The following DLG2 variants were observed in gnomAD, a reference collection of about 807,000 sequenced individuals.
The protein encoded by DLG2 is discs large MAGUK scaffold protein 2, also known as disks large homolog 2.
A neutral mutation model predicts 132.5 loss-of-function variants in DLG2; 45 were observed. That is an observed-to-expected ratio of 0.34 (90% confidence interval 0.27 to 0.44). The LOEUF is 0.44. DLG2 is among the 20% of genes least tolerant of loss of function. The pLI, the probability that DLG2 is intolerant of heterozygous loss-of-function variation, is 1.00. For missense variants in DLG2, 1,045 were observed against 1,196.9 expected (o/e 0.87, Z 1.87); for synonymous variants, 424 against 419.6 (o/e 1.01, Z -0.13).
At chr11:84,716,599 A>G (rs1345563003) in intron 6 of DLG2, among the ~76,000 whole-genome samples, 1 of 151,954 alleles carries the variant, frequency 6.6e-6, no homozygotes, top group African/African-American at 2.4e-5. Flanking sequence ...ATAATGACAT[A>G]AAAACTACTA....
chr11:85,377,803 A>ATATATATATATATATATGTG (rs35141583), intron 3 of DLG2, among the ~76,000 whole-genome samples: 86 of 131,296 alleles, frequency 6.6e-4, no homozygotes, highest in South Asian at 2.0e-3. Context: ...ATATATATAT[A>ATATATATATATATATATGTG]TGTGTGTGTG....
intron 11 of DLG2, among the ~76,000 whole-genome samples, chr11:84,051,122 T>C (rs1274589565): frequency 2.6e-5 from 4 of 151,722 alleles, no homozygotes; most frequent in African/African-American, 4.8e-5. Flanking sequence ...AGACAGGAAA[T>C]AACGGGTGCT....
At chr11:85,322,876 A>T (rs540274365) in intron 3 of DLG2, among the ~76,000 whole-genome samples, 1 of 152,260 alleles carries the variant, frequency 6.6e-6, no homozygotes, top group East Asian at 1.9e-4. Context: ...GGTAACCAAC[A>T]TCTCACACCT....
At chr11:83,921,449 T>C (rs1255919597) in intron 15 of DLG2, among the ~76,000 whole-genome samples, 1 of 152,150 alleles carries the variant, frequency 6.6e-6, no homozygotes, top group Admixed American at 6.6e-5. Flanking sequence ...TTCCATAAAA[T>C]TGGGATGATC....
chr11:84,734,336 C>T (rs1212395813), intron 6 of DLG2, among the ~76,000 whole-genome samples: 2 of 152,104 alleles, frequency 1.3e-5, no homozygotes, highest in East Asian at 3.9e-4. Context: ...TGCAGTTCTC[C>T]TTGAAGAGTT....
chr11:84,845,900 G>A (rs1599617381), intron 6 of DLG2, among the ~76,000 whole-genome samples: 2 of 151,872 alleles, frequency 1.3e-5, no homozygotes, highest in African/African-American at 4.8e-5. Flanking sequence ...GGCTGGTCTC[G>A]AACTCCTGAT....
intron 11 of DLG2, among the ~76,000 whole-genome samples, chr11:84,026,210 T>C (rs767244312): frequency 1.3e-5 from 2 of 151,882 alleles, no homozygotes; most frequent in South Asian, 2.1e-4. Flanking sequence ...TATAATATAG[T>C]ACAAAAAGCT....
chr11:85,288,708 T>A (rs2078709451), intron 3 of DLG2, among the ~76,000 whole-genome samples: 1 of 152,038 alleles, frequency 6.6e-6, no homozygotes, highest in Non-Finnish European at 1.5e-5. Flanking sequence ...AGAATTTCTG[T>A]AAACATATCT....
rs985260306 is a variant in DLG2, at chr11:84,533,052, G to A, written c.519+1518C>T. On this transcript the variant is annotated intron_variant, in intron 7 of 27. Transcript: ENST00000376104. Reference sequence around the variant, plus strand: ...AAGACAATTTTGTTTACCCTTCTGCGGAAGAAGGAGTCTTTTCTACAAAAC... The same window carrying A: ...AAGACAATTTTGTTTACCCTTCTGCAGAAGAAGGAGTCTTTTCTACAAAAC... 2.6e-5 allele frequency among the ~76,000 whole-genome samples: 4 copies of A among 152,068 alleles called. No individual in the cohort carries two copies. The South Asian group carries it at 8.3e-4, about 31-fold the overall frequency.
intron 19 of DLG2, among the ~76,000 whole-genome samples, chr11:83,577,000 G>A (rs1231199749): frequency 1.3e-5 from 2 of 152,142 alleles, no homozygotes; most frequent in African/African-American, 2.4e-5. Context: ...GTCTTTGAAG[G>A]TGCTGCCAAA....
chr11:85,386,170 G>A (rs1290294999), intron 3 of DLG2, among the ~76,000 whole-genome samples: 4 of 152,054 alleles, frequency 2.6e-5, no homozygotes, highest in African/African-American at 9.7e-5. Context: ...AAAAAATCAG[G>A]TTCTAACACA....
At chr11:84,817,302 C>G (rs746067379) in intron 6 of DLG2, among the ~76,000 whole-genome samples, 24 of 151,928 alleles carry the variant, frequency 1.6e-4, no homozygotes, top group African/African-American at 3.1e-4. Context: ...TCATGCAAAG[C>G]AAAAGGGCCC....
chr11:85,086,584 T>C (rs1339296904), intron 6 of DLG2, among the ~76,000 whole-genome samples: 1 of 152,146 alleles, frequency 6.6e-6, no homozygotes, highest in African/African-American at 2.4e-5. Context: ...GCTCCCAAAA[T>C]TCAACTCTGT....
At chr11:85,251,789 A>T (rs879130140) in intron 4 of DLG2, among the ~76,000 whole-genome samples, 1 of 152,176 alleles carries the variant, frequency 6.6e-6, no homozygotes, top group Admixed American at 6.5e-5. Flanking sequence ...TTACAATATC[A>T]TACAATATTT....
intron 6 of DLG2, among the ~76,000 whole-genome samples, chr11:84,944,351 G>C (rs2049904650): frequency 6.6e-6 from 1 of 151,970 alleles, no homozygotes; most frequent in Non-Finnish European, 1.5e-5. Context: ...TCCTCTTTAA[G>C]ACCAATAACT....
At chr11:83,982,039 G>T (rs2092825344) in intron 11 of DLG2, among the ~76,000 whole-genome samples, 1 of 152,144 alleles carries the variant, frequency 6.6e-6, no homozygotes, top group African/African-American at 2.4e-5. Context: ...ATAGCATAAT[G>T]ATTACTAAGG....
intron 7 of DLG2, among the ~76,000 whole-genome samples, chr11:84,451,383 T>C (rs2099051173): frequency 6.6e-6 from 1 of 151,932 alleles, no homozygotes; most frequent in Non-Finnish European, 1.5e-5. Context: ...TTTCTTGTTT[T>C]TGAAATGGAG....
intron 6 of DLG2, among the ~76,000 whole-genome samples, chr11:84,824,047 TG>T (rs1191221340): frequency 6.6e-6 from 1 of 151,812 alleles, no homozygotes; most frequent in Non-Finnish European, 1.5e-5. Flanking sequence ...AAACTGGCAT[TG>T]GGGGTTTCAA....
intron 7 of DLG2, among the ~76,000 whole-genome samples, chr11:84,315,868 T>C (rs2098348778): frequency 6.6e-6 from 1 of 152,148 alleles, no homozygotes; most frequent in Non-Finnish European, 1.5e-5. Flanking sequence ...ACCATAACAT[T>C]TTATTTATGA....
Sources: gnomAD v4.1 joint callset for allele counts (sites outside exome capture counted in the v4.1 genomes callset) on GRCh38, gnomAD v4.1.1 for gene constraint, MANE v1.5 for transcripts, NCBI Gene and HGNC (gene_info 2026-07-23, HGNC 2026-07-21) for gene names.